The following CHUK variants were observed in gnomAD, a reference collection of about 807,000 sequenced individuals.
The protein encoded by CHUK is inhibitor of nuclear factor kappa-B kinase subunit alpha.
A neutral mutation model predicts 104.8 loss-of-function variants in CHUK; 35 were observed. That is an observed-to-expected ratio of 0.33 (90% CI 0.26 to 0.44). The LOEUF is 0.44. Among genes scored for constraint, CHUK ranks in the 20% least tolerant of loss-of-function variants. The pLI is 1.00. For missense variants in CHUK, 663 were observed against 902.7 expected (o/e 0.73, Z 3.40); for synonymous variants, 276 against 291.9 (o/e 0.95, Z 0.56).
chr10:100,225,311 G>A (rs1846080529), intron 2 of CHUK, among the ~76,000 whole-genome samples: 1 of 152,158 alleles, frequency 6.6e-6, no homozygotes, highest in Admixed American at 6.5e-5. Flanking sequence ...CTGTGAGTTT[G>A]ACTACTCTAG....
intron 10 of CHUK, among the ~76,000 whole-genome samples, chr10:100,209,306 T>C (rs1355434203): frequency 6.6e-6 from 1 of 152,218 alleles, no homozygotes; most frequent in Non-Finnish European, 1.5e-5. Flanking sequence ...TCCCAATTCA[T>C]CTGCATCTCG....
chr10:100,194,410 A>G lies in CHUK; in HGVS notation c.1826+15T>C. ...TATCCTGGTTTTTCAGTAGGAAATG[A>G]AGCAATTTTCCTACCTCAAATGACC... On this transcript the variant is annotated intron_variant, in intron 17 of 20. Coordinates refer to ENST00000370397, the MANE Select transcript of CHUK (RefSeq NM_001278.5). The G allele has an allele frequency of 1.9e-6, 3 of 1,551,126 alleles. No homozygotes were observed. Among genetic ancestry groups the G allele is most frequent in the South Asian group, 2.2e-5 (2 of 89,732 alleles).
chr10:100,193,461 T>C lies in CHUK; in HGVS notation c.1975-30A>G, dbSNP rs758667864. The C allele has an allele frequency of 8.7e-6, 14 of 1,613,280 alleles. No homozygotes were observed. The African/African-American group carries it at 1.7e-4, about 20-fold the overall frequency. On this transcript the variant is annotated intron_variant, in intron 18 of 20. Coordinates refer to ENST00000370397, the MANE Select transcript of CHUK (RefSeq NM_001278.5). ...AGGAAAAGAAAAAAACATCAAAAGA[T>C]TACAGGCAAGCATCTCTGTTGATTC...
At chr10:100,209,904 G>A (rs1419288367) in intron 9 of CHUK, 115 bp from the exon 10 acceptor site, 4 of 597,042 alleles carry the variant, frequency 6.7e-6, no homozygotes, top group Non-Finnish European at 1.2e-5. Flanking sequence ...ATTAAACAAG[G>A]CTCACTCATT....
chr10:100,216,358 T>C (rs1845854995), intron 9 of CHUK, among the ~76,000 whole-genome samples: 1 of 152,210 alleles, frequency 6.6e-6, no homozygotes, highest in Non-Finnish European at 1.5e-5. Flanking sequence ...CCAGGTATCT[T>C]TTCAGTGTTA....
At chr10:100,187,688 C>T (rs1237979567), downstream of CHUK, 1 of 152,260 alleles carries the variant, frequency 6.6e-6, no homozygotes, top group Non-Finnish European at 1.5e-5. Context: ...CTATAATAGT[C>T]TGTTCTGACT....
rs79888769 is a variant in CHUK, at chr10:100,193,631, A to G, written c.1975-200T>C. Reference sequence around the variant, plus strand: ...ACCCTTTCTTCATTGACTAAAACCAAATATATCCACTCATCTTATACCATT... The same window carrying G: ...ACCCTTTCTTCATTGACTAAAACCAGATATATCCACTCATCTTATACCATT... On this transcript the variant is annotated intron_variant, in intron 18 of 20. Transcript: ENST00000370397. 1,116 of 652,746 alleles carry G rather than the reference A, an allele frequency of 1.7e-3. 19 individuals are homozygous for G. In the East Asian group the frequency reaches 0.027, roughly 16 times the overall value. 40.4% of individuals were successfully genotyped at this position (652,746 alleles called of 1,614,324 possible).
chr10:100,210,188 C>A (rs1011274060), intron 9 of CHUK, among the ~76,000 whole-genome samples: 3 of 148,558 alleles, frequency 2.0e-5, no homozygotes, highest in African/African-American at 7.4e-5. Context: ...CCCGGGTTCA[C>A]GCCATTCTCC....
intron 14 of CHUK, among the ~76,000 whole-genome samples, chr10:100,201,142 C>T (rs1348270025): frequency 6.6e-6 from 1 of 152,070 alleles, no homozygotes; most frequent in African/African-American, 2.4e-5. Flanking sequence ...TTTTGACTGC[C>T]CCCTGGTCCC....
intron 10 of CHUK, among the ~76,000 whole-genome samples, chr10:100,207,538 A>G (rs1365936173): frequency 6.6e-6 from 1 of 152,232 alleles, no homozygotes; most frequent in East Asian, 1.9e-4. Flanking sequence ...GTGAACAATC[A>G]CCAAAACCCA....
chr10:100,209,734 G>A lies in CHUK; in HGVS notation c.989C>T (p.Pro330Leu), dbSNP rs149766681. 35 of 1,553,764 alleles carry A rather than the reference G, an allele frequency of 2.3e-5. No homozygotes were observed. In the African/African-American group the frequency reaches 4.2e-4, roughly 19 times the overall value. Residue 330 changes from proline to leucine, a missense_variant, in exon 10 of 21, where the codon CCT becomes CTT. Around this residue, in one of 5 missense-constraint regions of CHUK, gnomAD observed 93 missense variants for 95.9 expected, o/e 0.97. Coordinates refer to ENST00000370397, the MANE Select transcript of CHUK (RefSeq NM_001278.5). ...CTGTAGTGAATGAAGACTTTCATCA[G>A]GTGGTAACAGAAAAGAAATTATCTT... is the stretch of plus-strand genomic sequence containing the variant. ...SAKIISFLLP[P>L]DESLHSLQSR...
chr10:100,213,207 G>A (rs539385274), intron 9 of CHUK, among the ~76,000 whole-genome samples: 4 of 151,896 alleles, frequency 2.6e-5, no homozygotes, highest in African/African-American at 9.7e-5. Flanking sequence ...TAGGCTGGGC[G>A]CGGTGGCTCA....
rs1298922716 is a variant in CHUK at position 100,193,999 on chromosome 10, G to A, written c.1959C>T (p.Leu653=). 1.2e-6 allele frequency: 2 copies of A among 1,613,308 alleles called. No homozygotes were observed. Among genetic ancestry groups the A allele is most frequent in the East Asian group, 2.2e-5 (1 of 44,882 alleles). Residue 653 remains leucine (L), a synonymous_variant, in exon 18 of 21, where the codon CTC becomes CTT. Coordinates refer to ENST00000370397, the MANE Select transcript of CHUK (RefSeq NM_001278.5). ...QGKRQKEIWH[L]LKIACTQSSA... Reference sequence around the variant, plus strand: ...AATTACTTACACAGGCAATTTTAAGGAGATGCCATATTTCTTTCTGCCTTT... The same window carrying A: ...AATTACTTACACAGGCAATTTTAAGAAGATGCCATATTTCTTTCTGCCTTT...
At chr10:100,212,820 C>T in intron 9 of CHUK, among the ~76,000 whole-genome samples, 1 of 151,812 alleles carries the variant, frequency 6.6e-6, no homozygotes, top group Non-Finnish European at 1.5e-5. Flanking sequence ...GCCTGGCCAA[C>T]ATGGTGAAAC....
intron 7 of CHUK, 88 bp from the exon 8 acceptor site, chr10:100,218,913 C>A: frequency 6.5e-7 from 1 of 1,528,012 alleles, no homozygotes; most frequent in Non-Finnish European, 9.0e-7. Context: ...TTGTATATTT[C>A]AAAGGCAATT....
chr10:100,212,596 T>C (rs1449752366), intron 9 of CHUK, among the ~76,000 whole-genome samples: 1 of 152,236 alleles, frequency 6.6e-6, no homozygotes, highest in Non-Finnish European at 1.5e-5. Flanking sequence ...TGGGTTGGGT[T>C]GCTTTTTCGT....
intron 19 of CHUK, 177 bp downstream of exon 19, chr10:100,193,121 C>G: frequency 1.5e-6 from 1 of 676,490 alleles, no homozygotes; most frequent in Non-Finnish European, 2.6e-6. Flanking sequence ...TCCTGTTTTA[C>G]AGGTGAGGAA....
At chr10:100,227,622 C>T (rs1296956003) in intron 1 of CHUK, among the ~76,000 whole-genome samples, 1 of 151,984 alleles carries the variant, frequency 6.6e-6, no homozygotes. Flanking sequence ...CCTGCTATCA[C>T]AGGACTTAAT....
At position 100,209,720 on chromosome 10, in the gene CHUK, G is replaced by C. The variant is rs1432617828; in HGVS notation, c.1003C>G (p.His335Asp). 1 of 1,567,308 alleles carries C rather than the reference G, an allele frequency of 6.4e-7. No individual in the cohort carries two copies. Among genetic ancestry groups the C allele is most frequent in the Non-Finnish European group, 8.8e-7 (1 of 1,137,638 alleles). ...CGCTCAATACGAGACTGTAGTGAAT[G>C]AAGACTTTCATCAGGTGGTAACAGA... ...SFLLPPDESLHSLQSRIERET... is the reference protein window; with the variant it reads ...SFLLPPDESLDSLQSRIERET... Residue 335 changes from histidine (H) to aspartate (D), a missense_variant, in exon 10 of 21, where the codon CAT (histidine) becomes GAT (aspartate). Transcript: ENST00000370397.
Sources: gnomAD v4.1 joint callset for allele counts (sites outside exome capture counted in the v4.1 genomes callset) on GRCh38, gnomAD v4.1.1 for gene constraint, gnomAD v4.1.1 regional missense constraint, MANE v1.5 for transcripts, NCBI Gene and HGNC (gene_info 2026-07-23, HGNC 2026-07-21) for gene names.